COMMD1: variants seen among roughly 807,000 people sequenced by gnomAD.
COMMD1 encodes copper metabolism domain containing 1.
COMMD1 carries 10 observed loss-of-function variants against 17.2 expected under a neutral mutation model. The ratio of observed to expected loss-of-function variants is 0.58; its 90% CI spans 0.36 to 0.99. COMMD1 has a LOEUF of 0.99. Among genes scored for constraint, COMMD1 ranks in the 50% least tolerant of loss-of-function variants. The pLI is 0.01. For missense variants in COMMD1, 270 were observed against 231.8 expected (o/e 1.17, Z -1.07); for synonymous variants, 97 against 91.6 (o/e 1.06, Z -0.34).
chr2:61,907,497 C>T (rs1487070537), intron 1 of COMMD1, among the ~76,000 whole-genome samples: 1 of 152,060 alleles, frequency 6.6e-6, no homozygotes, highest in Admixed American at 6.6e-5. Flanking sequence ...GGTGTTTGGT[C>T]TCCTATGGGG....
At chr2:62,129,328 C>T (rs1161980577) in intron 2 of COMMD1, among the ~76,000 whole-genome samples, 1 of 152,154 alleles carries the variant, frequency 6.6e-6, no homozygotes, top group East Asian at 1.9e-4. Context: ...TTTTTGAGAA[C>T]AGCCCCACAG....
intron 2 of COMMD1, among the ~76,000 whole-genome samples, chr2:62,044,830 C>A (rs1392090671): frequency 7.0e-6 from 1 of 142,694 alleles, no homozygotes; most frequent in South Asian, 2.2e-4. Flanking sequence ...GGAGCAAGCT[C>A]CTAACTTAAA....
chr2:62,012,258 AACACACACACATACACACAC>A (rs1267886514), intron 2 of COMMD1, among the ~76,000 whole-genome samples: 8 of 102,296 alleles, frequency 7.8e-5, no homozygotes, highest in African/African-American at 3.2e-4. Flanking sequence ...CCTTGTCTCA[AACACACACACATACACACAC>A]ACACACACAC....
chr2:61,965,967 T>C (rs1671494957), intron 1 of COMMD1, among the ~76,000 whole-genome samples: 1 of 152,148 alleles, frequency 6.6e-6, no homozygotes, highest in Admixed American at 6.5e-5. Flanking sequence ...GTTGGCTAGG[T>C]TTATAGCTAA....
At chr2:62,086,510 CAAA>C (rs36086221) in intron 2 of COMMD1, among the ~76,000 whole-genome samples, 3 of 117,822 alleles carry the variant, frequency 2.5e-5, no homozygotes, top group African/African-American at 5.7e-5. Context: ...GACTCCGTCT[CAAA>C]AAAAAAAAAA....
chr2:62,113,860 T>C (rs185132843), intron 2 of COMMD1, among the ~76,000 whole-genome samples: 2 of 152,354 alleles, frequency 1.3e-5, no homozygotes, highest in Admixed American at 6.5e-5. Context: ...CATTTTATAT[T>C]TGTGTTACAG....
At chr2:62,092,718 G>A (rs534162036) in intron 2 of COMMD1, among the ~76,000 whole-genome samples, 2 of 152,260 alleles carry the variant, frequency 1.3e-5, no homozygotes, top group Middle Eastern at 3.4e-3. Context: ...ATTTGTTAAG[G>A]TTTTGAGGAG....
intron 2 of COMMD1, among the ~76,000 whole-genome samples, chr2:62,024,327 C>T (rs1012035805): frequency 1.3e-5 from 2 of 152,098 alleles, no homozygotes; most frequent in African/African-American, 4.8e-5. Flanking sequence ...AGCAATTCTC[C>T]CACCTCAGCC....
intron 2 of COMMD1, among the ~76,000 whole-genome samples, chr2:62,095,806 G>GTATATATATATATATATATATATATATA (rs1558597604): frequency 1.4e-4 from 6 of 42,728 alleles, no homozygotes; most frequent in African/African-American, 1.3e-3. Flanking sequence ...TTCACAGCAT[G>GTATATATATATATATATATATATATATA]CATATATATA....
chr2:61,892,052 C>T (rs1407167790), intron 1 of COMMD1, among the ~76,000 whole-genome samples: 3 of 151,646 alleles, frequency 2.0e-5, no homozygotes, highest in African/African-American at 7.3e-5. Context: ...AGAATGGTCT[C>T]GATCTCCTGA....
intron 1 of COMMD1, among the ~76,000 whole-genome samples, chr2:61,921,514 G>A (rs1572964130): frequency 1.3e-5 from 2 of 152,048 alleles, no homozygotes; most frequent in South Asian, 4.1e-4. Flanking sequence ...CACGATTTCT[G>A]CTCACTGCAA....
At chr2:62,108,929 T>C (rs1672383782) in intron 2 of COMMD1, among the ~76,000 whole-genome samples, 2 of 152,226 alleles carry the variant, frequency 1.3e-5, no homozygotes, top group East Asian at 3.8e-4. Flanking sequence ...AATAACAGGC[T>C]AGAGCTGAGA....
In COMMD1 at chr2:61,894,732, C is replaced by G. The variant is rs1373738416; in HGVS notation, n.119+5890C>G. Reference sequence around the variant, plus strand: ...TTTTTTTTTTTGAGATGGAGTCTCACTCTGTAGCCCAGGCTGGAGTGCAAT... The same window carrying G: ...TTTTTTTTTTTGAGATGGAGTCTCAGTCTGTAGCCCAGGCTGGAGTGCAAT... On this transcript the variant is annotated intron_variant and non_coding_transcript_variant, in intron 1 of 2. Transcript: ENST00000472729. Among the ~76,000 whole-genome samples, 5 of 150,954 alleles carry G rather than the reference C, an allele frequency of 3.3e-5. No homozygotes were observed. In the East Asian group the frequency reaches 9.7e-4, roughly 29 times the overall value.
At chr2:61,990,210 A>T (rs1672210313) in intron 1 of COMMD1, among the ~76,000 whole-genome samples, 1 of 152,210 alleles carries the variant, frequency 6.6e-6, no homozygotes, top group Non-Finnish European at 1.5e-5. Context: ...TGTAAGAGGT[A>T]GGGGGATATG....
At chr2:62,131,147 C>G (rs1300155235) in intron 2 of COMMD1, among the ~76,000 whole-genome samples, 1 of 152,102 alleles carries the variant, frequency 6.6e-6, no homozygotes, top group Non-Finnish European at 1.5e-5. Flanking sequence ...CTTGGAGAGA[C>G]AAAAATTTGA....
At chr2:62,081,970 T>C (rs1293037625) in intron 2 of COMMD1, among the ~76,000 whole-genome samples, 1 of 152,210 alleles carries the variant, frequency 6.6e-6, no homozygotes, top group Non-Finnish European at 1.5e-5. Context: ...ACTAGGAATT[T>C]GTACAGAGTG....
At chr2:61,940,303 G>T (rs147499754) in intron 1 of COMMD1, among the ~76,000 whole-genome samples, 1 of 152,110 alleles carries the variant, frequency 6.6e-6, no homozygotes, top group African/African-American at 2.4e-5. Flanking sequence ...TACTAGATAG[G>T]GAAAACATCC....
At chr2:61,981,357 T>A (rs781232960) in intron 1 of COMMD1, among the ~76,000 whole-genome samples, 5 of 152,190 alleles carry the variant, frequency 3.3e-5, no homozygotes, top group Admixed American at 6.5e-5. Flanking sequence ...TAGTTTCAGA[T>A]CTTCTGCATG....
intron 2 of COMMD1, among the ~76,000 whole-genome samples, chr2:62,063,762 T>A (rs62149943): frequency 0.24 from 35,845 of 150,274 alleles, 4,927 homozygotes; most frequent in Non-Finnish European, 0.3. Context: ...AATATAGTGA[T>A]TATATTTTCA....
Sources: gnomAD v4.1 joint callset for allele counts (sites outside exome capture counted in the v4.1 genomes callset) on GRCh38, gnomAD v4.1.1 for gene constraint, MANE v1.5 for transcripts, NCBI Gene and HGNC (gene_info 2026-07-23, HGNC 2026-07-21) for gene names.